PLIN5: variants seen among roughly 807,000 people sequenced by gnomAD.
PLIN5 encodes perilipin 5.
In PLIN5, 34 loss-of-function variants were observed where a neutral mutation model predicts 32.8. That is an observed-to-expected ratio of 1.04 (90% confidence interval 0.79 to 1.38). The LOEUF (loss-of-function observed/expected upper bound fraction) is 1.38. Ranked by LOEUF, PLIN5 falls within the 40% of genes most tolerant of loss-of-function variation. The pLI, the probability that PLIN5 is intolerant of heterozygous loss-of-function variation, is 0.00. For synonymous variants in PLIN5, 309 were observed against 292.9 expected (o/e 1.05, Z -0.56); for missense variants, 712 against 660.5 (o/e 1.08, Z -0.85).
In PLIN5 at chr19:4,523,494, T is replaced by G; in HGVS notation, c.*34A>C. On this transcript the variant is annotated 3_prime_UTR_variant, in exon 8 of 8. Transcript: ENST00000381848. The surrounding 1 kb of genome is among the most constrained non-coding windows in gnomAD (Gnocchi z 5.0). ...GGCAGCAGGGATCGGGGTGTGCAGG[T>G]GGCCTTTCCTCCCCGCCTCCACTGG... The G allele has an allele frequency of 3.9e-6, 6 of 1,521,974 alleles. No individual in the cohort carries two copies. Among genetic ancestry groups the G allele is most frequent in the Non-Finnish European group, 4.4e-6 (5 of 1,131,708 alleles). 94.3% of individuals were successfully genotyped at this position (1,521,974 alleles called of 1,614,324 possible).
Position 4,524,004 on chromosome 19 carries a change from G to A in PLIN5, c.916C>T (p.Arg306Trp), listed in dbSNP as rs1062223. The A allele has an allele frequency of 0.19, 296,028 of 1,519,362 alleles. 31,233 individuals are homozygous for A. Among genetic ancestry groups the A allele is most frequent in the Non-Finnish European group, 0.22 (250,651 of 1,141,234 alleles). 94.1% of individuals were successfully genotyped at this position (1,519,362 alleles called of 1,614,324 possible). A position where few individuals can be genotyped will look rare whatever the true frequency, so the allele number is the denominator to read the frequency against. ...TCCTGGGCGCCGGCGGGCAGGCCCC[G>A]CACGCTGGACTCCAGAGCCTCTACC... Reference protein sequence around the residue: ...GTVEALESSVRGLPAGAQEKV... With the variant: ...GTVEALESSVWGLPAGAQEKV... The change falls in exon 8 of 8, where the codon CGG (arginine) becomes TGG (tryptophan). Residue 306 changes from arginine (R) to tryptophan (W), a missense_variant. Physicochemically the swap from Arg to Trp is moderately radical, Grantham distance 101. Transcript: ENST00000381848.
chr19:4,534,892 C>A (rs1976927788), intron 1 of PLIN5, among the ~76,000 whole-genome samples: 1 of 152,218 alleles, frequency 6.6e-6, no homozygotes, highest in Admixed American at 6.5e-5. Context: ...GTCCCAAGGT[C>A]ACGCAGCCAG....
chr19:4,529,416 G>C (rs771904613), intron 4 of PLIN5, 163 bp from the exon 5 acceptor site: 7 of 719,186 alleles, frequency 9.7e-6, no homozygotes, highest in Non-Finnish European at 1.6e-5. Flanking sequence ...CCTCACAGAG[G>C]GTGTTGAGGG....
chr19:4,530,286 G>A (rs1976867848), intron 3 of PLIN5, among the ~76,000 whole-genome samples: 1 of 152,156 alleles, frequency 6.6e-6, no homozygotes, highest in Non-Finnish European at 1.5e-5. Context: ...TGTTCTCCCA[G>A]CACCAAGGCG....
rs1976857968 is a variant in PLIN5, at chr19:4,529,628, C to T, written c.339+156G>A. The T allele has an allele frequency of 4.0e-6, 2 of 503,214 alleles. No homozygotes were observed. Among genetic ancestry groups the T allele is most frequent in the Non-Finnish European group, 7.1e-6 (2 of 283,022 alleles). 31.2% of individuals were successfully genotyped at this position (503,214 alleles called of 1,614,324 possible). ...ATATGTATACACACACACACACACA[C>T]ACACACACACACACACACACACGTT... On this transcript the variant is annotated intron_variant, in intron 4 of 7. Coordinates refer to ENST00000381848, the MANE Select transcript of PLIN5 (RefSeq NM_001013706.3).
chr19:4,530,760 C>T (rs539255222), intron 3 of PLIN5, among the ~76,000 whole-genome samples: 25 of 152,164 alleles, frequency 1.6e-4, no homozygotes, highest in African/African-American at 5.5e-4. Flanking sequence ...GCATCCCCTG[C>T]CTCCCAGGTT....
In PLIN5 at chr19:4,531,796, C is replaced by T. The variant is rs769399556; in HGVS notation, c.87G>A (p.Leu29=). ...QQNVVQRVVA[L]PLVRATCTAV... ...CGGTGCACGTGGCCCTGACCAGGGG[C>T]AGAGCCACCACACGCTGCACCACGT... The change falls in exon 3 of 8, where the codon CTG becomes CTA. Residue 29 remains leucine, a synonymous_variant. Coordinates refer to ENST00000381848, the MANE Select transcript of PLIN5 (RefSeq NM_001013706.3). 1.3e-6 allele frequency: 2 copies of T among 1,577,524 alleles called. No homozygotes were observed. The highest frequency in any genetic ancestry group is 2.3e-5 in the East Asian group (1 of 43,418).
rs575416554 is a variant in PLIN5 at position 4,523,854 on chromosome 19, C to T, written c.1066G>A (p.Ala356Thr). ...AGCTCCAGCAGCTCGTCCACGCAGG[C>T]GTGCGCGTGGGCCACGCGACCCCGG... The part of the protein sequence containing the change: ...EGRGRVAHAH[A>T]CVDELLELVV... The change falls in exon 8 of 8, where the codon GCC becomes ACC. Residue 356 changes from alanine (A) to threonine (T), a missense_variant. Transcript: ENST00000381848. This position sits in a 1 kb window ranked among gnomAD's most constrained non-coding sequence, Gnocchi z 5.0. The T allele has an allele frequency of 2.0e-5, 32 of 1,561,996 alleles. No homozygotes were observed. Among genetic ancestry groups the T allele is most frequent in the South Asian group, 8.2e-5 (7 of 85,860 alleles).
intron 5 of PLIN5, among the ~76,000 whole-genome samples, chr19:4,526,382 C>G (rs567994465): frequency 1.3e-5 from 2 of 152,092 alleles, no homozygotes; most frequent in Non-Finnish European, 2.9e-5. Flanking sequence ...CCACCACACC[C>G]GATTAAGTTT....
intron 2 of PLIN5, chr19:4,532,750 G>A (rs1976902403): frequency 6.6e-6 from 1 of 152,230 alleles, no homozygotes; most frequent in African/African-American, 2.4e-5. Flanking sequence ...GCTCACTGCA[G>A]CCTAAGCCTC....
chr19:4,530,565 CA>C (rs1336683051), intron 3 of PLIN5, among the ~76,000 whole-genome samples: 1 of 152,054 alleles, frequency 6.6e-6, no homozygotes, highest in Non-Finnish European at 1.5e-5. Flanking sequence ...CAAATGGACC[CA>C]AGGCACATCA....
At position 4,523,629 on chromosome 19, in the gene PLIN5, CCCCATT is replaced by C; in HGVS notation, c.1285_1290del (p.Asn429_Gly430del). Reference sequence around the variant, plus strand: ...CCGGCAACACCCATCCTGTCCCCATCCCCATTCCCACTCCCGTCCCTGTGCTCTGCC... The same window carrying C: ...CCGGCAACACCCATCCTGTCCCCATCCCCACTCCCGTCCCTGTGCTCTGCC... On this transcript the variant is annotated inframe_deletion, in exon 8 of 8. Coordinates refer to ENST00000381848, the MANE Select transcript of PLIN5 (RefSeq NM_001013706.3). This position sits in a 1 kb window ranked among gnomAD's most constrained non-coding sequence, Gnocchi z 5.0. 1 of 1,611,730 alleles carries C rather than the reference CCCCATT, an allele frequency of 6.2e-7. No individual in the cohort carries two copies. Among genetic ancestry groups the C allele is most frequent in the South Asian group, 1.1e-5 (1 of 90,512 alleles).
At position 4,534,082 on chromosome 19, in the gene PLIN5, C is replaced by CA; in HGVS notation, c.-9dup. On this transcript the variant is annotated 5_prime_UTR_variant, in exon 2 of 8. Coordinates refer to ENST00000381848, the MANE Select transcript of PLIN5 (RefSeq NM_001013706.3). Reference sequence around the variant, plus strand: ...CGCCTCTTCTTCAGACATCGTGCTGCAAACAGGGTCACCCTGCGGGGCAGG... The same window carrying CA: ...CGCCTCTTCTTCAGACATCGTGCTGCAAAACAGGGTCACCCTGCGGGGCAGG... 6.2e-7 allele frequency: 1 copy of CA among 1,611,334 alleles called. No homozygotes were observed. Among genetic ancestry groups the CA allele is most frequent in the Non-Finnish European group, 8.5e-7 (1 of 1,178,860 alleles).
chr19:4,531,005 G>T (rs1297678672), intron 3 of PLIN5, among the ~76,000 whole-genome samples: 9 of 145,194 alleles, frequency 6.2e-5, no homozygotes, highest in Non-Finnish European at 1.2e-4. Context: ...GTTTGTTTTT[G>T]CTTTTTTTTT....
At chr19:4,529,011 G>A (rs1254713269) in intron 5 of PLIN5, 62 bp downstream of exon 5, 1 of 1,548,884 alleles carries the variant, frequency 6.5e-7, no homozygotes, top group Non-Finnish European at 8.8e-7. Context: ...TCTCTGATCT[G>A]TACCACAGGG....
At position 4,522,654 on chromosome 19, in the gene PLIN5, G is replaced by A. The variant is rs1976745080; in HGVS notation, c.*874C>T. 1 of 152,224 alleles carries A rather than the reference G, an allele frequency of 6.6e-6. No homozygotes were observed. Among genetic ancestry groups the A allele is most frequent in the South Asian group, 2.1e-4 (1 of 4,830 alleles). 9.4% of individuals were successfully genotyped at this position (152,224 alleles called of 1,614,324 possible). A position where few individuals can be genotyped will look rare whatever the true frequency, so the allele number is the denominator to read the frequency against. On this transcript the variant is annotated 3_prime_UTR_variant, in exon 8 of 8. Coordinates refer to ENST00000381848, the MANE Select transcript of PLIN5 (RefSeq NM_001013706.3). ...GGCTCACTTTTCAAAGTTCCAAATAGGGCAAAATGTGTGTTTCCCTAGGAA... is the reference window on the plus strand; with the variant it reads ...GGCTCACTTTTCAAAGTTCCAAATAAGGCAAAATGTGTGTTTCCCTAGGAA...
intron 3 of PLIN5, among the ~76,000 whole-genome samples, chr19:4,530,227 G>A (rs954245088): frequency 1.3e-5 from 2 of 152,106 alleles, no homozygotes; most frequent in Non-Finnish European, 2.9e-5. Flanking sequence ...AGGCCGCTGG[G>A]TTGGGCACTG....
chr19:4,534,248 CCAGAGCTCTGTA>C lies in PLIN5; in HGVS notation c.-21-165_-21-154del, dbSNP rs1312076375. 77 of 662,076 alleles carry C rather than the reference CCAGAGCTCTGTA, an allele frequency of 1.2e-4. 1 individual carries two copies. The highest frequency in any genetic ancestry group is 1.1e-3 in the South Asian group (59 of 56,042). The allele number at this position is 662,076 out of a possible 1,614,324, so 41.0% of individuals were successfully genotyped here. On this transcript the variant is annotated intron_variant, in intron 1 of 7. Coordinates refer to ENST00000381848, the MANE Select transcript of PLIN5 (RefSeq NM_001013706.3). ...TCTGTGGAGCTCAGACAATGCATGT[CCAGAGCTCTGTA>C]CACAGAGGGTGTCCAATAATGAGCC...
At chr19:4,531,875 A>G in intron 2 of PLIN5, 53 bp from the exon 3 acceptor site, 2 of 1,449,444 alleles carry the variant, frequency 1.4e-6, no homozygotes, top group African/African-American at 1.4e-5. Flanking sequence ...GGCCCTAGCC[A>G]CACCTCAACC....
Sources: gnomAD v4.1 joint callset for allele counts (sites outside exome capture counted in the v4.1 genomes callset) on GRCh38, gnomAD v4.1.1 for gene constraint, Gnocchi (gnomAD v3.1) non-coding constraint, MANE v1.5 for transcripts, NCBI Gene and HGNC (gene_info 2026-07-23, HGNC 2026-07-21) for gene names.